The following NKAIN2 variants were observed in gnomAD, a reference collection of about 807,000 sequenced individuals.
NKAIN2 encodes the protein sodium/potassium-transporting ATPase subunit beta-1-interacting protein 2.
Under a neutral mutation model 32.6 loss-of-function variants are expected in NKAIN2, and 14 were observed. That is an observed-to-expected ratio of 0.43 (90% CI 0.28 to 0.67). NKAIN2 has a LOEUF of 0.67. Among genes scored for constraint, NKAIN2 ranks in the 30% least tolerant of loss-of-function variants. NKAIN2 has a pLI of 0.17. For missense variants in NKAIN2, 198 were observed against 258.3 expected, an observed-to-expected ratio of 0.77 and a Z score of 1.60; for synonymous variants, 80 against 87.2, an observed-to-expected ratio of 0.92 and a Z score of 0.46.
intron 1 of NKAIN2, among the ~76,000 whole-genome samples, chr6:123,838,341 A>G (rs534876010): frequency 1.3e-5 from 2 of 152,258 alleles, no homozygotes; most frequent in South Asian, 4.1e-4. Context: ...TTATGAATCT[A>G]TATTTTGCTG....
chr6:124,707,877 T>A (rs1230763681), intron 4 of NKAIN2, among the ~76,000 whole-genome samples: 1 of 152,248 alleles, frequency 6.6e-6, no homozygotes, highest in South Asian at 2.1e-4. Context: ...TGTCTTTTGT[T>A]GCTATTGCTT....
At chr6:124,566,708 T>G (rs1583450399) in intron 3 of NKAIN2, among the ~76,000 whole-genome samples, 1 of 152,312 alleles carries the variant, frequency 6.6e-6, no homozygotes, top group East Asian at 1.9e-4. Context: ...TTAATTTTAA[T>G]ATACTAATAT....
intron 2 of NKAIN2, among the ~76,000 whole-genome samples, chr6:124,337,203 C>CA (rs1797913191): frequency 2.0e-5 from 3 of 151,954 alleles, no homozygotes; most frequent in Non-Finnish European, 2.9e-5. Context: ...ATTTGCAATA[C>CA]AAAAAAATAC....
chr6:124,655,683 T>G (rs1292097772), intron 3 of NKAIN2, among the ~76,000 whole-genome samples: 1 of 152,170 alleles, frequency 6.6e-6, no homozygotes, highest in Non-Finnish European at 1.5e-5. Context: ...ATGTTTTCAC[T>G]GTCACTGCTT....
At chr6:124,045,685 C>T (rs563245919) in intron 1 of NKAIN2, among the ~76,000 whole-genome samples, 27 of 152,066 alleles carry the variant, frequency 1.8e-4, no homozygotes, top group African/African-American at 4.8e-4. Context: ...TTCATGGAGA[C>T]GGTGATTATG....
At chr6:124,777,834 G>A (rs2065973) in intron 4 of NKAIN2, among the ~76,000 whole-genome samples, 17,288 of 152,048 alleles carry the variant, frequency 0.11, 1,221 homozygotes, top group South Asian at 0.2. Flanking sequence ...AAATTGACCT[G>A]CAGAAGCAGA....
intron 3 of NKAIN2, among the ~76,000 whole-genome samples, chr6:124,515,728 TCGCCCAGGC>T (rs1778889398): frequency 1.3e-3 from 2 of 1,492 alleles, no homozygotes; most frequent in African/African-American, 1.7e-3. Context: ...TCTCGCTCTG[TCGCCCAGGC>T]TGGAGTGCAG....
At chr6:124,643,574 T>A (rs1489240467) in intron 3 of NKAIN2, among the ~76,000 whole-genome samples, 2 of 152,184 alleles carry the variant, frequency 1.3e-5, no homozygotes, top group African/African-American at 2.4e-5. Flanking sequence ...TGATGTCATA[T>A]ATGCTATCTT....
At chr6:124,319,227 G>A (rs1562488192) in intron 2 of NKAIN2, among the ~76,000 whole-genome samples, 1 of 152,026 alleles carries the variant, frequency 6.6e-6, no homozygotes, top group Non-Finnish European at 1.5e-5. Flanking sequence ...ACATACAAGA[G>A]CACATATTTA....
intron 1 of NKAIN2, among the ~76,000 whole-genome samples, chr6:123,880,172 A>G (rs1029338417): frequency 5.3e-5 from 8 of 152,204 alleles, no homozygotes; most frequent in Non-Finnish European, 8.8e-5. Flanking sequence ...ATGGATCATT[A>G]AGTTCTCACT....
At chr6:124,804,654 T>C (rs1780436342) in intron 5 of NKAIN2, 3 of 152,264 alleles carry the variant, frequency 2.0e-5, no homozygotes, top group Admixed American at 6.5e-5. Flanking sequence ...GGTCAGTGGG[T>C]GCAGCGCACT....
intron 1 of NKAIN2, among the ~76,000 whole-genome samples, chr6:123,810,848 T>A (rs74476869): frequency 0.042 from 6,386 of 152,242 alleles, 255 homozygotes; most frequent in African/African-American, 0.085. Context: ...AGTAAATATG[T>A]TATTTAAAAT....
intron 3 of NKAIN2, among the ~76,000 whole-genome samples, chr6:124,456,536 C>T (rs763683624): frequency 1.6e-4 from 24 of 151,820 alleles, no homozygotes; most frequent in Non-Finnish European, 3.1e-4. Flanking sequence ...GATCTAATAA[C>T]GTGGAATATG....
In NKAIN2 at chr6:124,175,902, A is replaced by G. The variant is rs555877937; in HGVS notation, c.55-107103A>G. On this transcript the variant is annotated intron_variant, in intron 1 of 6. Coordinates refer to ENST00000368417, the MANE Select transcript of NKAIN2 (RefSeq NM_001040214.3). ...TCTTTCTCACTCTTTATTTCATCACATGTGTAGATTTATGTTATTGTAATC... is the reference window on the plus strand; with the variant it reads ...TCTTTCTCACTCTTTATTTCATCACGTGTGTAGATTTATGTTATTGTAATC... Among the ~76,000 whole-genome samples the G allele has an allele frequency of 2.0e-5, 3 of 152,136 alleles. No individual in the cohort carries two copies. The East Asian group carries it at 5.8e-4, about 29-fold the overall frequency.
chr6:124,127,132 G>A (rs1474428498), intron 1 of NKAIN2, among the ~76,000 whole-genome samples: 1 of 152,148 alleles, frequency 6.6e-6, no homozygotes, highest in African/African-American at 2.4e-5. Flanking sequence ...CTTAACATTT[G>A]GGCATCAGTG....
chr6:123,958,991 C>T (rs1241962777), intron 1 of NKAIN2, among the ~76,000 whole-genome samples: 1 of 152,104 alleles, frequency 6.6e-6, no homozygotes, highest in African/African-American at 2.4e-5. Context: ...GAAACCAATC[C>T]CAGGGAAGCT....
intron 1 of NKAIN2, among the ~76,000 whole-genome samples, chr6:124,219,230 T>C (rs556825973): frequency 6.6e-6 from 1 of 152,278 alleles, no homozygotes; most frequent in South Asian, 2.1e-4. Context: ...ATTTATTTAT[T>C]AACTCATTGA....
chr6:124,626,336 A>G (rs1197038785), intron 3 of NKAIN2, among the ~76,000 whole-genome samples: 1 of 151,958 alleles, frequency 6.6e-6, no homozygotes, highest in Non-Finnish European at 1.5e-5. Flanking sequence ...ATCAGCTTTG[A>G]GTTGATGAAA....
chr6:124,197,845 T>G (rs1490537216), intron 1 of NKAIN2, among the ~76,000 whole-genome samples: 2 of 150,992 alleles, frequency 1.3e-5, no homozygotes, highest in African/African-American at 2.4e-5. Flanking sequence ...TGGTTTTTTT[T>G]TTTTTTTTTT....
Sources: allele counts gnomAD v4.1 joint callset (sites outside exome capture counted in the v4.1 genomes callset), GRCh38; gene constraint gnomAD v4.1.1; transcripts MANE v1.5; gene names NCBI Gene and HGNC (gene_info 2026-07-23, HGNC 2026-07-21).